The following USP15 variants were observed in gnomAD, a reference collection of about 807,000 sequenced individuals.
USP15 encodes ubiquitin specific peptidase 15.
USP15 carries 18 observed loss-of-function variants against 127.1 expected under a neutral mutation model. The ratio of observed to expected loss-of-function variants is 0.14; its 90% CI spans 0.10 to 0.21. The LOEUF is 0.21. Among genes scored for constraint, USP15 ranks in the 10% least tolerant of loss-of-function variants. The pLI, the probability that USP15 is intolerant of heterozygous loss-of-function variation, is 1.00. For synonymous variants in USP15, 364 were observed against 393.7 expected, an observed-to-expected ratio of 0.92 and a Z score of 0.89; for missense variants, 805 against 1,159.9, an observed-to-expected ratio of 0.69 and a Z score of 4.44.
intron 4 of USP15, among the ~76,000 whole-genome samples, chr12:62,318,575 T>C (rs2064899455): frequency 6.6e-6 from 1 of 152,170 alleles, no homozygotes; most frequent in Non-Finnish European, 1.5e-5. Context: ...CCTCCTTTCC[T>C]TGGTGATTTC....
At chr12:62,284,952 G>C (rs1217689898) in intron 1 of USP15, among the ~76,000 whole-genome samples, 1 of 152,072 alleles carries the variant, frequency 6.6e-6, no homozygotes, top group African/African-American at 2.4e-5. Flanking sequence ...TGTTTACAGT[G>C]TTAGCTGTAT....
chr12:62,334,801 T>TAA (rs2065409595), intron 6 of USP15, among the ~76,000 whole-genome samples: 4 of 152,236 alleles, frequency 2.6e-5, no homozygotes, highest in African/African-American at 9.6e-5. Context: ...CTCTGTATTT[T>TAA]GGTTGCTTAA....
At chr12:62,340,544 T>C (rs1476543885) in intron 6 of USP15, among the ~76,000 whole-genome samples, 1 of 152,228 alleles carries the variant, frequency 6.6e-6, no homozygotes, top group Non-Finnish European at 1.5e-5. Flanking sequence ...AATTTCCCTC[T>C]ACACACTGCT....
intron 1 of USP15, among the ~76,000 whole-genome samples, chr12:62,262,807 C>T (rs1481553360): frequency 6.6e-6 from 1 of 151,948 alleles, no homozygotes; most frequent in Non-Finnish European, 1.5e-5. Context: ...ATACAAGAGG[C>T]TCATAAATTT....
chr12:62,328,922 C>T (rs1330867453), intron 6 of USP15, among the ~76,000 whole-genome samples: 1 of 151,988 alleles, frequency 6.6e-6, no homozygotes, highest in East Asian at 1.9e-4. Context: ...AGTGAGGTTG[C>T]TTAAAGAAGA....
intron 8 of USP15, among the ~76,000 whole-genome samples, chr12:62,372,456 C>A (rs958360328): frequency 5.9e-5 from 9 of 152,128 alleles, no homozygotes; most frequent in African/African-American, 2.2e-4. Flanking sequence ...AAGTAATGAT[C>A]TCTTAATATT....
intron 2 of USP15, among the ~76,000 whole-genome samples, chr12:62,295,105 A>G (rs188659759): frequency 1.5e-4 from 23 of 152,294 alleles, no homozygotes; most frequent in African/African-American, 5.5e-4. Flanking sequence ...ACCAGAAAGT[A>G]GTGAGTAGCT....
intron 1 of USP15, 101 bp from the exon 2 acceptor site, chr12:62,294,078 T>C: frequency 1.6e-6 from 2 of 1,242,744 alleles, no homozygotes; most frequent in East Asian, 2.5e-5. Flanking sequence ...TTGAAGTAGA[T>C]ATGTCTTTTA....
chr12:62,285,657 A>G (rs1407246145), intron 1 of USP15, among the ~76,000 whole-genome samples: 1 of 152,074 alleles, frequency 6.6e-6, no homozygotes, highest in Non-Finnish European at 1.5e-5. Context: ...GTATCCATAT[A>G]TGCTACATTG....
At chr12:62,283,772 G>T (rs2063718045) in intron 1 of USP15, among the ~76,000 whole-genome samples, 1 of 152,078 alleles carries the variant, frequency 6.6e-6, no homozygotes, top group African/African-American at 2.4e-5. Context: ...GCAAAACCCG[G>T]TCTTTACTAA....
intron 1 of USP15, among the ~76,000 whole-genome samples, chr12:62,274,725 A>G (rs971243927): frequency 1.3e-5 from 2 of 152,160 alleles, no homozygotes; most frequent in Admixed American, 6.6e-5. Flanking sequence ...GAGGGAAGAA[A>G]AAGGTTGCTC....
chr12:62,337,325 AAAAG>A (rs1181229512), intron 6 of USP15, among the ~76,000 whole-genome samples: 1 of 152,152 alleles, frequency 6.6e-6, no homozygotes, highest in African/African-American at 2.4e-5. Flanking sequence ...GGCAATTTAC[AAAAG>A]AAAGAGGTTT....
At chr12:62,315,301 G>C (rs1240042653) in intron 4 of USP15, among the ~76,000 whole-genome samples, 1 of 151,876 alleles carries the variant, frequency 6.6e-6, no homozygotes, top group African/African-American at 2.4e-5. Context: ...TATAAATACA[G>C]TCAAGTAGCC....
intron 6 of USP15, among the ~76,000 whole-genome samples, chr12:62,331,811 A>G (rs572215054): frequency 1.3e-5 from 2 of 152,332 alleles, no homozygotes; most frequent in African/African-American, 4.8e-5. Flanking sequence ...TTTAATCAGC[A>G]CCTAAAACAA....
At chr12:62,346,385 C>T (rs1359162189) in intron 6 of USP15, among the ~76,000 whole-genome samples, 1 of 152,156 alleles carries the variant, frequency 6.6e-6, no homozygotes, top group African/African-American at 2.4e-5. Context: ...ATTGCTTTTG[C>T]ACTATCAGTG....
chr12:62,275,368 T>TA (rs544566049), intron 1 of USP15, among the ~76,000 whole-genome samples: 187 of 146,396 alleles, frequency 1.3e-3, no homozygotes, highest in Non-Finnish European at 2.4e-3. Flanking sequence ...GAGAAGGTTG[T>TA]AAAAAAAATT....
chr12:62,319,306 G>C (rs2064920991), intron 4 of USP15, among the ~76,000 whole-genome samples: 1 of 152,280 alleles, frequency 6.6e-6, no homozygotes. Context: ...CTCCCACCAG[G>C]TGCCTCCTCA....
At chr12:62,261,988 C>CA (rs2063077732) in intron 1 of USP15, among the ~76,000 whole-genome samples, 1 of 152,026 alleles carries the variant, frequency 6.6e-6, no homozygotes, top group Non-Finnish European at 1.5e-5. Flanking sequence ...GCCTGTAACC[C>CA]AGCACTTTGG....
chr12:62,266,165 T>A (rs1312873369), intron 1 of USP15, among the ~76,000 whole-genome samples: 1 of 152,228 alleles, frequency 6.6e-6, no homozygotes, highest in Non-Finnish European at 1.5e-5. Flanking sequence ...TGAATTTTAA[T>A]TGTCTATCAA....
Sources: gnomAD v4.1 joint callset for allele counts (sites outside exome capture counted in the v4.1 genomes callset) on GRCh38, gnomAD v4.1.1 for gene constraint, MANE v1.5 for transcripts, NCBI Gene and HGNC (gene_info 2026-07-23, HGNC 2026-07-21) for gene names.